Variants in MYO1A observed in about 807,000 individuals in gnomAD.
MYO1A encodes the protein myosin IA.
Under a neutral mutation model 138.5 loss-of-function variants are expected in MYO1A, and 127 were observed. The observed-to-expected ratio is 0.92, with a 90% confidence interval of 0.79 to 1.06. MYO1A has a LOEUF of 1.06. Among genes scored for constraint, MYO1A ranks in the 50% least tolerant of loss-of-function variants. The pLI is 0.00. For synonymous variants in MYO1A, 477 were observed against 497.5 expected (o/e 0.96, Z 0.55); for missense variants, 1,211 against 1,288.8 (o/e 0.94, Z 0.92).
At chr12:57,040,226 A>T (rs1044733536) in intron 14 of MYO1A, among the ~76,000 whole-genome samples, 2 of 152,260 alleles carry the variant, frequency 1.3e-5, no homozygotes, top group Non-Finnish European at 2.9e-5. Flanking sequence ...TATTCTTAAA[A>T]TACTGTGTTG....
At chr12:57,043,509 G>A in intron 10 of MYO1A, 151 bp from the exon 11 acceptor site, 1 of 789,846 alleles carries the variant, frequency 1.3e-6, no homozygotes, top group Non-Finnish European at 2.2e-6. Flanking sequence ...TGGCCCTGGA[G>A]GAATCTCAGG....
At chr12:57,031,286 A>G in intron 22 of MYO1A, 112 bp from the exon 23 acceptor site, 1 of 1,341,472 alleles carries the variant, frequency 7.5e-7, no homozygotes, top group Non-Finnish European at 1.1e-6. Context: ...CACAGTGAGA[A>G]GCAAGGGGTG....
At chr12:57,031,265 G>T in intron 22 of MYO1A, 91 bp from the exon 23 acceptor site, 1 of 1,512,826 alleles carries the variant, frequency 6.6e-7, no homozygotes. Flanking sequence ...CTTCAAAGGA[G>T]GAAGTTAACC....
At position 57,038,830 on chromosome 12, in the gene MYO1A, G is replaced by A. The variant is rs1318216788; in HGVS notation, c.1512C>T (p.Arg504=). 6.2e-7 allele frequency: 1 copy of A among 1,614,168 alleles called. No homozygotes were observed. Among genetic ancestry groups the A allele is most frequent in the Non-Finnish European group, 8.5e-7 (1 of 1,180,044 alleles). Reference sequence around the variant, plus strand: ...TCACCTTGCCCGCATAGTGGCAGATGCGGAAGCAGCTGAGGCCCATGGTGT... The same window carrying A: ...TCACCTTGCCCGCATAGTGGCAGATACGGAAGCAGCTGAGGCCCATGGTGT... ...YDHTMGLSCF[R]ICHYAGKVTY... The change falls in exon 16 of 28, where the codon CGC becomes CGT. Residue 504 remains arginine (R), a synonymous_variant. Transcript: ENST00000300119.
chr12:57,036,871 TG>T (rs1565642799), intron 20 of MYO1A, 31 bp from the exon 21 acceptor site: 1 of 1,614,162 alleles, frequency 6.2e-7, no homozygotes, highest in East Asian at 2.2e-5. Context: ...GTTAGAAAAA[TG>T]GCACCTCCTG....
rs1175467009 is a variant in MYO1A, at chr12:57,044,203, A to T, written c.647T>A (p.Leu216Gln). The T allele has an allele frequency of 1.2e-6, 2 of 1,613,838 alleles. No individual in the cohort carries two copies. The stretch of plus-strand genomic sequence containing the variant: ...GCCAGTTGTATCCCGCTCAAGCTTC[A>T]GGGCCTCTGGGAGGGCCAGTGTTGG... ...AGADEQLLKA[L>Q]KLERDTTGYA... The change falls in exon 9 of 28, where the codon CTG becomes CAG. Residue 216 changes from leucine to glutamine, a missense_variant. Coordinates refer to ENST00000300119, the MANE Select transcript of MYO1A (RefSeq NM_005379.4).
chr12:57,035,640 C>T (rs913016592), intron 22 of MYO1A, among the ~76,000 whole-genome samples: 2 of 152,224 alleles, frequency 1.3e-5, no homozygotes, highest in Non-Finnish European at 2.9e-5. Context: ...GCTTCTCCCT[C>T]CCTGGTTTCC....
rs759691433 is a variant in MYO1A, at chr12:57,046,517, ACT to A, written c.640+33_640+34del. 4 of 1,529,170 alleles carry A rather than the reference ACT, an allele frequency of 2.6e-6. No homozygotes were observed. The Admixed American group carries it at 6.7e-5, about 26-fold the overall frequency. The allele number at this position is 1,529,170 out of a possible 1,614,324, so 94.7% of individuals were successfully genotyped here. A position where few individuals can be genotyped will look rare whatever the true frequency, so the allele number is the denominator to read the frequency against. On this transcript the variant is annotated intron_variant, in intron 8 of 27. Transcript: ENST00000300119. ...GAGGTTGGGGACTTTGCCATGTGTC[ACT>A]CATGAGGACACTTTCCCCATGCAGG...
intron 6 of MYO1A, 45 bp from the exon 7 acceptor site, chr12:57,046,971 T>G (rs935169650): frequency 1.9e-6 from 3 of 1,611,064 alleles, no homozygotes; most frequent in Non-Finnish European, 2.5e-6. Flanking sequence ...CTTCCTCTTC[T>G]CACCACCCTG....
intron 22 of MYO1A, among the ~76,000 whole-genome samples, chr12:57,032,361 C>T (rs1354881896): frequency 6.6e-6 from 1 of 152,192 alleles, no homozygotes; most frequent in East Asian, 1.9e-4. Flanking sequence ...TCTTCATTTT[C>T]ACTGGACTTA....
At chr12:57,046,529 A>T (rs755999691) in intron 8 of MYO1A, 23 bp downstream of exon 8, 1 of 1,594,370 alleles carries the variant, frequency 6.3e-7, no homozygotes, top group Non-Finnish European at 8.6e-7. Flanking sequence ...TCATGAGGAC[A>T]CTTTCCCCAT....
At chr12:57,039,555 T>G (rs2030764316) in intron 14 of MYO1A, 1 of 458,498 alleles carries the variant, frequency 2.2e-6, no homozygotes, top group East Asian at 4.4e-5. Context: ...GAGGGAAGTG[T>G]AACATGTTGA....
Position 57,041,285 on chromosome 12 carries a change from T to C in MYO1A, c.1168A>G (p.Asn390Asp), listed in dbSNP as rs1195609405. 4 of 1,613,946 alleles carry C rather than the reference T, an allele frequency of 2.5e-6. No individual in the cohort carries two copies. Among genetic ancestry groups the C allele is most frequent in the Non-Finnish European group, 3.4e-6 (4 of 1,179,820 alleles). Residue 390 changes from asparagine (N) to aspartate (D), a missense_variant, in exon 14 of 28, where the codon AAT becomes GAT. By Grantham distance (23) the Asn-to-Asp change is conservative (BLOSUM62 1). Coordinates refer to ENST00000300119, the MANE Select transcript of MYO1A (RefSeq NM_005379.4). ...DIYGFEILED[N>D]SFEQFVINYC... Reference sequence around the variant, plus strand: ...TTGATCACAAATTGCTCAAAGCTATTATCCTGAGAGAGGGAGCACAGGTTA... The same window carrying C: ...TTGATCACAAATTGCTCAAAGCTATCATCCTGAGAGAGGGAGCACAGGTTA...
In MYO1A at chr12:57,029,459, C is replaced by T; in HGVS notation, c.2853G>A (p.Gly951=). 6.2e-7 allele frequency: 1 copy of T among 1,614,192 alleles called. No homozygotes were observed. The highest frequency in any genetic ancestry group is 8.5e-7 in the Non-Finnish European group (1 of 1,180,038). ...CCTCACTCAGATGCAAGCTAAAGAGCCCATCCTTGAGGCTGGTGACTGACA... is the reference window on the plus strand; with the variant it reads ...CCTCACTCAGATGCAAGCTAAAGAGTCCATCCTTGAGGCTGGTGACTGACA... ...AGVSVTSLKD[G]LFSLHLSEMS... The change falls in exon 26 of 28, where the codon GGG becomes GGA. Residue 951 remains glycine (G), a synonymous_variant. Coordinates refer to ENST00000300119, the MANE Select transcript of MYO1A (RefSeq NM_005379.4).
chr12:57,050,486 G>A (rs898951879), upstream of MYO1A, among the ~76,000 whole-genome samples: 20 of 152,302 alleles, frequency 1.3e-4, no homozygotes, highest in African/African-American at 4.8e-4. Flanking sequence ...AGGAGTTCGA[G>A]ACCAGCCTAG....
Position 57,043,359 on chromosome 12 carries a change from C to G in MYO1A, c.893-1G>C, listed in dbSNP as rs1490528573. 1.2e-6 allele frequency: 2 copies of G among 1,613,270 alleles called. No individual in the cohort carries two copies. Among genetic ancestry groups the G allele is most frequent in the East Asian group, 4.5e-5 (2 of 44,886 alleles). On this transcript the variant is annotated splice_acceptor_variant, in intron 10 of 27. Coordinates refer to ENST00000300119, the MANE Select transcript of MYO1A (RefSeq NM_005379.4). LOFTEE classifies it high-confidence loss of function. ...ACCATCTCCCCAATCTCCCGAACAC[C>G]TGGGATAATGAGAAAGTACAGCATG... is the stretch of plus-strand genomic sequence containing the variant.
At position 57,029,491 on chromosome 12, in the gene MYO1A, C is replaced by A. The variant is rs1180342174; in HGVS notation, c.2821G>T (p.Ala941Ser). ...TTGAGGCTGGTGACTGACACCCCAG[C>A]CACATTGTCTAGCCCAATGACAATT... The part of the protein sequence containing the change: ...AKIVIGLDNV[A>S]GVSVTSLKDG... Residue 941 changes from alanine to serine, a missense_variant, in exon 26 of 28, where the codon GCT becomes TCT. Physicochemically the swap from Ala to Ser is moderately conservative, Grantham distance 99. Coordinates refer to ENST00000300119, the MANE Select transcript of MYO1A (RefSeq NM_005379.4). 2 of 1,614,108 alleles carry A rather than the reference C, an allele frequency of 1.2e-6. No individual in the cohort carries two copies. The highest frequency in any genetic ancestry group is 4.5e-5 in the East Asian group (2 of 44,898).
Position 57,039,013 on chromosome 12 carries a change from G to A in MYO1A, c.1333-4C>T, listed in dbSNP as rs750664290. 1.2e-5 allele frequency: 19 copies of A among 1,612,714 alleles called. No individual in the cohort carries two copies. In the East Asian group the frequency reaches 4.0e-4, roughly 34 times the overall value. On this transcript the variant is annotated splice_region_variant and splice_polypyrimidine_tract_variant and intron_variant, in intron 15 of 27. Transcript: ENST00000300119. ...TGGCCAGGATACCTCGCTGATTCTG[G>A]GCCGGGGGAACAAAAGAAGCCCAAC...
intron 6 of MYO1A, 25 bp from the exon 7 acceptor site, chr12:57,046,951 G>T (rs535274308): frequency 6.8e-5 from 109 of 1,612,326 alleles, no homozygotes; most frequent in Admixed American, 2.2e-4. Context: ...CAGAGAGAGA[G>T]ACTTAGCTTC....
Sources: allele counts gnomAD v4.1 joint callset (sites outside exome capture counted in the v4.1 genomes callset), GRCh38; gene constraint gnomAD v4.1.1; transcripts MANE v1.5; gene names NCBI Gene and HGNC (gene_info 2026-07-23, HGNC 2026-07-21).